The following FAF1 variants were observed in gnomAD, a reference collection of about 807,000 sequenced individuals.
FAF1 encodes the protein FAS-associated factor 1.
In FAF1, 25 loss-of-function variants were observed where a neutral mutation model predicts 92.5. That is an observed-to-expected ratio of 0.27 (90% CI 0.20 to 0.38). The LOEUF (loss-of-function observed/expected upper bound fraction) is 0.38, where lower values mean the gene tolerates loss of function less well. Ranked by LOEUF, FAF1 falls within the 10% of genes least tolerant of loss-of-function variation. FAF1 has a pLI of 1.00. For missense variants in FAF1, 636 were observed against 793.3 expected, an observed-to-expected ratio of 0.80 and a Z score of 2.38; for synonymous variants, 234 against 273.2, an observed-to-expected ratio of 0.86 and a Z score of 1.42.
At chr1:50,590,153 C>T (rs1651433935) in intron 9 of FAF1, among the ~76,000 whole-genome samples, 1 of 152,076 alleles carries the variant, frequency 6.6e-6, no homozygotes, top group African/African-American at 2.4e-5. Context: ...ATTCAAGGTC[C>T]CTTGAAATTC....
intron 6 of FAF1, among the ~76,000 whole-genome samples, chr1:50,708,232 G>A (rs1657771073): frequency 6.6e-6 from 1 of 152,194 alleles, no homozygotes; most frequent in Non-Finnish European, 1.5e-5. Flanking sequence ...CAGACAGGAG[G>A]CTGGTTCAGG....
At chr1:50,621,589 A>T (rs988389554) in intron 8 of FAF1, among the ~76,000 whole-genome samples, 2 of 151,298 alleles carry the variant, frequency 1.3e-5, no homozygotes, top group African/African-American at 4.9e-5. Context: ...TAATAGAGAC[A>T]GGGTTTCACC....
intron 2 of FAF1, among the ~76,000 whole-genome samples, chr1:50,812,448 A>G (rs1569987822): frequency 6.6e-6 from 1 of 152,240 alleles, no homozygotes; most frequent in Non-Finnish European, 1.5e-5. Context: ...GAAGACATAC[A>G]TGCAGCCAGA....
intron 1 of FAF1, among the ~76,000 whole-genome samples, chr1:50,956,751 C>T (rs969495540): frequency 1.3e-5 from 2 of 152,112 alleles, no homozygotes; most frequent in African/African-American, 4.8e-5. Flanking sequence ...GGGTTCGAGA[C>T]CAGCCTAACC....
At chr1:50,759,613 C>T (rs986824472) in intron 4 of FAF1, among the ~76,000 whole-genome samples, 7 of 152,088 alleles carry the variant, frequency 4.6e-5, no homozygotes, top group Middle Eastern at 3.4e-3. Flanking sequence ...AATAAACATA[C>T]GTGTGCATGT....
At chr1:50,863,889 T>C (rs1035496228) in intron 1 of FAF1, among the ~76,000 whole-genome samples, 2 of 152,256 alleles carry the variant, frequency 1.3e-5, no homozygotes, top group African/African-American at 4.8e-5. Flanking sequence ...GAGCCTGTTA[T>C]TGGTCTATTC....
At chr1:50,590,102 G>C (rs1651432633) in intron 9 of FAF1, among the ~76,000 whole-genome samples, 1 of 152,158 alleles carries the variant, frequency 6.6e-6, no homozygotes, top group African/African-American at 2.4e-5. Flanking sequence ...CAGGAAGAGT[G>C]AGTCCTCCAG....
In FAF1 at chr1:50,762,878, A is replaced by T. The variant is rs191714897; in HGVS notation, c.368-18103T>A. Among the ~76,000 whole-genome samples, 1,144 of 152,334 alleles carry T rather than the reference A, an allele frequency of 7.5e-3. 23 individuals carry two copies. Among genetic ancestry groups the T allele is most frequent in the African/African-American group, 0.026 (1,090 of 41,568 alleles). ...CTAAAGAGCTTCTGCACAGCAAAAGATACTACCATCAGAGTGAACAGGCAA... is the reference window on the plus strand; with the variant it reads ...CTAAAGAGCTTCTGCACAGCAAAAGTTACTACCATCAGAGTGAACAGGCAA... On this transcript the variant is annotated intron_variant, in intron 4 of 18. Coordinates refer to ENST00000396153, the MANE Select transcript of FAF1 (RefSeq NM_007051.3).
rs952105370 is a variant in FAF1, at chr1:50,920,783, A to G, written c.45+38984T>C. 1.8e-4 allele frequency among the ~76,000 whole-genome samples: 27 copies of G among 152,226 alleles called. 1 individual carries two copies. The highest frequency in any genetic ancestry group is 5.9e-5 in the Non-Finnish European group (4 of 68,024). Reference sequence around the variant, plus strand: ...TTCCTTTATCAGCAGAAGGACATCTATGAAAAACCTATAGCTAACACCATA... The same window carrying G: ...TTCCTTTATCAGCAGAAGGACATCTGTGAAAAACCTATAGCTAACACCATA... On this transcript the variant is annotated intron_variant, in intron 1 of 18. Coordinates refer to ENST00000396153, the MANE Select transcript of FAF1 (RefSeq NM_007051.3).
intron 1 of FAF1, among the ~76,000 whole-genome samples, chr1:50,881,048 T>A (rs1250091864): frequency 3.3e-5 from 5 of 152,218 alleles, no homozygotes; most frequent in Admixed American, 3.3e-4. Flanking sequence ...GTAATTAGTC[T>A]GAGTGGGGTT....
At chr1:50,709,942 T>C (rs1657848322) in intron 6 of FAF1, among the ~76,000 whole-genome samples, 1 of 152,074 alleles carries the variant, frequency 6.6e-6, no homozygotes. Context: ...ATTTCAGACA[T>C]AGAACAGTTC....
intron 13 of FAF1, among the ~76,000 whole-genome samples, chr1:50,546,671 T>G (rs1016427071): frequency 2.0e-5 from 3 of 152,140 alleles, no homozygotes; most frequent in African/African-American, 7.2e-5. Context: ...GCCATTAATT[T>G]GTTTATATAC....
intron 1 of FAF1, among the ~76,000 whole-genome samples, chr1:50,885,397 A>C (rs1557574304): frequency 6.6e-6 from 1 of 151,466 alleles, no homozygotes; most frequent in Non-Finnish European, 1.5e-5. Flanking sequence ...ATATATTCAC[A>C]ATTGTTATGG....
chr1:50,471,680 CATT>C (rs1202164826), intron 18 of FAF1, among the ~76,000 whole-genome samples: 1 of 152,146 alleles, frequency 6.6e-6, no homozygotes, highest in African/African-American at 2.4e-5. Context: ...GGGGCTGTGT[CATT>C]ATATCAGTGG....
intron 18 of FAF1, among the ~76,000 whole-genome samples, chr1:50,443,836 C>T (rs184045035): frequency 1.2e-3 from 176 of 152,234 alleles, no homozygotes; most frequent in Non-Finnish European, 1.7e-3. Flanking sequence ...GCTCTTTCAC[C>T]AAAACCTCCT....
chr1:50,721,711 C>A (rs563814861), intron 6 of FAF1, among the ~76,000 whole-genome samples: 35 of 152,214 alleles, frequency 2.3e-4, no homozygotes, highest in Non-Finnish European at 3.2e-4. Context: ...ACAACATCAA[C>A]CTCCTGGCCT....
At chr1:50,946,852 C>T (rs77429081) in intron 1 of FAF1, among the ~76,000 whole-genome samples, 1,741 of 152,222 alleles carry the variant, frequency 0.011, 35 homozygotes, top group African/African-American at 0.038. Flanking sequence ...CTAAAGAACC[C>T]AAATCTTTTA....
chr1:50,804,264 C>A (rs183002236), intron 2 of FAF1, among the ~76,000 whole-genome samples: 2 of 152,182 alleles, frequency 1.3e-5, no homozygotes, highest in African/African-American at 4.8e-5. Flanking sequence ...CAAAAAGTAA[C>A]TGAAAAATCA....
chr1:50,720,752 C>T (rs1034118264), intron 6 of FAF1, among the ~76,000 whole-genome samples: 2 of 152,166 alleles, frequency 1.3e-5, no homozygotes, highest in Non-Finnish European at 2.9e-5. Context: ...AAGGCTGAAA[C>T]CATACCCAGA....
Sources: gnomAD v4.1 joint callset for allele counts (sites outside exome capture counted in the v4.1 genomes callset) on GRCh38, gnomAD v4.1.1 for gene constraint, MANE v1.5 for transcripts, NCBI Gene and HGNC (gene_info 2026-07-23, HGNC 2026-07-21) for gene names.